The following RNF216 variants were observed in gnomAD, a reference collection of about 807,000 sequenced individuals.
RNF216 encodes the protein E3 ubiquitin-protein ligase RNF216.
A neutral mutation model predicts 110.8 loss-of-function variants in RNF216; 72 were observed. That is an observed-to-expected ratio of 0.65 (90% CI 0.54 to 0.79). The LOEUF (loss-of-function observed/expected upper bound fraction) is 0.79, where lower values mean the gene tolerates loss of function less well. Ranked by LOEUF, RNF216 falls within the 30% of genes least tolerant of loss-of-function variation. The probability of loss-of-function intolerance (pLI) is 0.00; values close to 1 mark genes in which losing one functional copy is unlikely to be tolerated. For missense variants in RNF216, 1,342 were observed against 1,141.2 expected, an observed-to-expected ratio of 1.18 and a Z score of -2.54; for synonymous variants, 495 against 407.5, an observed-to-expected ratio of 1.21 and a Z score of -2.59.
intron 13 of RNF216, among the ~76,000 whole-genome samples, chr7:5,677,342 G>T (rs1790367762): frequency 6.6e-6 from 1 of 152,130 alleles, no homozygotes; most frequent in Non-Finnish European, 1.5e-5. Context: ...CTAAAGGTGG[G>T]CACTAGGTAA....
chr7:5,758,326 C>A (rs1282778549), intron 2 of RNF216, among the ~76,000 whole-genome samples: 1 of 152,090 alleles, frequency 6.6e-6, no homozygotes, highest in Non-Finnish European at 1.5e-5. Flanking sequence ...TTAATAAAAT[C>A]CTAAAAATGA....
At chr7:5,699,168 C>A (rs1003147673) in intron 13 of RNF216, among the ~76,000 whole-genome samples, 2 of 152,118 alleles carry the variant, frequency 1.3e-5, no homozygotes, top group African/African-American at 2.4e-5. Context: ...CTTATCTATA[C>A]CCTACCTGTT....
intron 13 of RNF216, among the ~76,000 whole-genome samples, chr7:5,710,524 C>T (rs3823683): frequency 0.82 from 124,562 of 152,098 alleles, 52,948 homozygotes; most frequent in Middle Eastern, 0.92. Context: ...CTCATGAAGA[C>T]CCAAGAGGCT....
chr7:5,730,908 T>C, intron 5 of RNF216, 91 bp from the exon 6 acceptor site: 1 of 1,539,398 alleles, frequency 6.5e-7, no homozygotes, highest in East Asian at 2.4e-5. Flanking sequence ...ATATAGTCCT[T>C]AGTCACACAT....
intron 13 of RNF216, among the ~76,000 whole-genome samples, chr7:5,692,100 A>C (rs1383223876): frequency 6.6e-6 from 1 of 152,262 alleles, no homozygotes; most frequent in Non-Finnish European, 1.5e-5. Flanking sequence ...GACAGCAAGT[A>C]AGCCCGCAAA....
At chr7:5,716,863 G>A (rs1031958102) in intron 9 of RNF216, 97 bp from the exon 10 acceptor site, 2 of 921,738 alleles carry the variant, frequency 2.2e-6, no homozygotes, top group Non-Finnish European at 1.7e-6. Context: ...CCAGTATTGC[G>A]ATCTCTTCAA....
chr7:5,692,413 C>CA (rs2128614540), intron 13 of RNF216, among the ~76,000 whole-genome samples: 1 of 152,330 alleles, frequency 6.6e-6, no homozygotes, highest in South Asian at 2.1e-4. Flanking sequence ...CCTTGTTAGT[C>CA]AGACATACTC....
chr7:5,686,237 A>AG (rs1224446595), intron 13 of RNF216, among the ~76,000 whole-genome samples: 29 of 151,422 alleles, frequency 1.9e-4, no homozygotes, highest in African/African-American at 6.1e-4. Flanking sequence ...AAAAAAAAAA[A>AG]AAAAAAAAAA....
chr7:5,713,635 A>G (rs1302671393), intron 11 of RNF216, among the ~76,000 whole-genome samples: 1 of 152,232 alleles, frequency 6.6e-6, no homozygotes, highest in African/African-American at 2.4e-5. Context: ...TCACTGGTCT[A>G]TAAGCCCCAC....
chr7:5,669,526 T>C (rs1022038959), intron 13 of RNF216, among the ~76,000 whole-genome samples: 10 of 152,118 alleles, frequency 6.6e-5, no homozygotes, highest in Admixed American at 2.0e-4. Context: ...GAGAGTGAGG[T>C]GAGGGGTCTG....
chr7:5,736,738 T>C (rs1376893532), intron 5 of RNF216, among the ~76,000 whole-genome samples: 4 of 149,668 alleles, frequency 2.7e-5, no homozygotes, highest in African/African-American at 5.0e-5. Context: ...CGCCGCCCCA[T>C]CTGGGATGTG....
At position 5,629,461 on chromosome 7, in the gene RNF216, G is replaced by GAA. The variant is rs34015908; in HGVS notation, c.2383-5338_2383-5337dup. ...CACAACAGGGGAAGATCCTGTCTCA[G>GAA]AAAAAAAAAAGTGAAGATAACTGAA... On this transcript the variant is annotated intron_variant, in intron 15 of 16. Coordinates refer to ENST00000389902, the MANE Select transcript of RNF216 (RefSeq NM_207111.4). Among the ~76,000 whole-genome samples, 244 of 147,838 alleles carry GAA rather than the reference G, an allele frequency of 1.7e-3. 1 individual carries two copies. The highest frequency in any genetic ancestry group is 5.5e-3 in the African/African-American group (223 of 40,660).
chr7:5,737,707 A>G (rs1455255101), intron 5 of RNF216, among the ~76,000 whole-genome samples: 1 of 152,158 alleles, frequency 6.6e-6, no homozygotes, highest in Non-Finnish European at 1.5e-5. Context: ...CAGCCTTGGC[A>G]GGGAAGAAAC....
At chr7:5,743,290 A>C (rs1323987219) in intron 3 of RNF216, among the ~76,000 whole-genome samples, 1 of 152,112 alleles carries the variant, frequency 6.6e-6, no homozygotes, top group African/African-American at 2.4e-5. Flanking sequence ...CAAATACATA[A>C]ATATAAATAA....
At chr7:5,701,276 G>T (rs936700343) in intron 13 of RNF216, among the ~76,000 whole-genome samples, 1 of 152,326 alleles carries the variant, frequency 6.6e-6, no homozygotes, top group East Asian at 1.9e-4. Flanking sequence ...CTGGGGAGCT[G>T]GTAGAAATGA....
intron 13 of RNF216, among the ~76,000 whole-genome samples, chr7:5,656,427 A>C (rs1303269147): frequency 1.3e-5 from 2 of 152,212 alleles, no homozygotes; most frequent in Non-Finnish European, 2.9e-5. Flanking sequence ...TAACCTCAAA[A>C]CATGAAGAAC....
In RNF216 at chr7:5,652,436, G is replaced by A. The variant is rs374412126; in HGVS notation, c.2136C>T (p.Asp712=). The change falls in exon 14 of 17, where the codon GAC becomes GAT. Residue 712 remains aspartate, a synonymous_variant. Transcript: ENST00000389902. ...GLTCEELAEK[D]DIKYRTSIEE... ...ACATAGAGGTACGGTACTTGATGTC[G>A]TCTTTTTCAGCCAGCTCTTCACAGG... The A allele has an allele frequency of 5.3e-5, 85 of 1,612,774 alleles. No homozygotes were observed. The highest frequency in any genetic ancestry group is 2.4e-4 in the African/African-American group (18 of 74,862).
intron 13 of RNF216, among the ~76,000 whole-genome samples, chr7:5,679,262 G>A (rs1316959807): frequency 6.6e-6 from 1 of 152,196 alleles, no homozygotes; most frequent in East Asian, 1.9e-4. Flanking sequence ...ATCTGAACAT[G>A]GCCATGCTGC....
At chr7:5,662,150 A>G (rs1007376598) in intron 13 of RNF216, among the ~76,000 whole-genome samples, 2 of 152,194 alleles carry the variant, frequency 1.3e-5, no homozygotes, top group Non-Finnish European at 1.5e-5. Context: ...AGAGCTGCGA[A>G]TGGCTCAGTA....
Sources: allele counts gnomAD v4.1 joint callset (sites outside exome capture counted in the v4.1 genomes callset), GRCh38; gene constraint gnomAD v4.1.1; transcripts MANE v1.5; gene names NCBI Gene and HGNC (gene_info 2026-07-23, HGNC 2026-07-21).